P2RX1: variants seen among roughly 807,000 people sequenced by gnomAD.
P2RX1 encodes the protein P2X purinoceptor 1.
P2RX1 carries 42 observed loss-of-function variants against 50.3 expected under a neutral mutation model. The observed-to-expected ratio is 0.83, with a 90% CI of 0.65 to 1.08. The LOEUF (loss-of-function observed/expected upper bound fraction) is 1.08. Ranked by LOEUF, P2RX1 falls within the 50% of genes least tolerant of loss-of-function variation. The pLI is 0.00. For missense variants in P2RX1, 449 were observed against 529.0 expected (o/e 0.85, Z 1.48); for synonymous variants, 199 against 202.6 (o/e 0.98, Z 0.15).
Position 3,904,894 on chromosome 17 carries a change from G to A in P2RX1, c.321C>T (p.Ile107=), listed in dbSNP as rs780312994. ...AGCCTTGAGTCTGCTTCGGGGTCACGATGAAATTGGTCATGACCACGAAGG... is the reference window on the plus strand; with the variant it reads ...AGCCTTGAGTCTGCTTCGGGGTCACAATGAAATTGGTCATGACCACGAAGG... The part of the protein sequence containing the change: ...DNSFVVMTNF[I]VTPKQTQGYC... The change falls in exon 3 of 12, where the codon ATC becomes ATT. Residue 107 remains isoleucine (I), a synonymous_variant. Coordinates refer to ENST00000225538, the MANE Select transcript of P2RX1 (RefSeq NM_002558.4). The A allele has an allele frequency of 4.4e-6, 6 of 1,372,516 alleles. No individual in the cohort carries two copies. The Admixed American group carries it at 6.1e-5, about 14-fold the overall frequency. 85.0% of individuals were successfully genotyped at this position (1,372,516 alleles called of 1,614,324 possible). A position where few individuals can be genotyped will look rare whatever the true frequency, so the allele number is the denominator to read the frequency against.
intron 9 of P2RX1, 78 bp downstream of exon 9, chr17:3,898,856 T>TAC: frequency 8.6e-7 from 1 of 1,162,784 alleles, no homozygotes; most frequent in Non-Finnish European, 1.3e-6. Context: ...CGGTTGTCTA[T>TAC]AACTGTAGAT....
chr17:3,916,190 G>A lies in P2RX1; in HGVS notation c.36C>T (p.Phe12=), dbSNP rs778253855. 1.2e-5 allele frequency: 19 copies of A among 1,613,112 alleles called. No individual in the cohort carries two copies. Among genetic ancestry groups the A allele is most frequent in the Middle Eastern group, 1.6e-4 (1 of 6,082 alleles). Residue 12 remains phenylalanine, a synonymous_variant, in exon 1 of 12, where the codon TTC becomes TTT. Transcript: ENST00000225538. ...ARRFQEELAA[F]LFEYDTPRMV... ...TGCGGGGGGTGTCATACTCGAAGAGGAAGGCGGCCAGCTCCTCCTGGAACC... is the reference window on the plus strand; with the variant it reads ...TGCGGGGGGTGTCATACTCGAAGAGAAAGGCGGCCAGCTCCTCCTGGAACC...
intron 7 of P2RX1, among the ~76,000 whole-genome samples, chr17:3,902,700 C>T (rs554398525): frequency 1.4e-4 from 22 of 151,958 alleles, no homozygotes; most frequent in African/African-American, 4.6e-4. Flanking sequence ...CTCTGCCTCC[C>T]GGGTTCAAGT....
chr17:3,904,952 G>A (rs1363057798), intron 2 of P2RX1, 23 bp from the exon 3 acceptor site: 1 of 1,282,644 alleles, frequency 7.8e-7, no homozygotes, highest in Non-Finnish European at 1.1e-6. Flanking sequence ...GGCAGGGGGA[G>A]GGTGGGGTGG....
At chr17:3,906,089 C>G (rs1168655291) in intron 1 of P2RX1, among the ~76,000 whole-genome samples, 1 of 152,158 alleles carries the variant, frequency 6.6e-6, no homozygotes, top group African/African-American at 2.4e-5. Context: ...CTATTCAATC[C>G]CCTGTGCCTC....
chr17:3,908,277 T>C (rs1188996319), intron 1 of P2RX1, among the ~76,000 whole-genome samples: 1 of 152,144 alleles, frequency 6.6e-6, no homozygotes, highest in Non-Finnish European at 1.5e-5. Flanking sequence ...AGAATGACTA[T>C]GGGCTGGGCG....
At chr17:3,908,346 A>G (rs2056304740) in intron 1 of P2RX1, among the ~76,000 whole-genome samples, 1 of 152,168 alleles carries the variant, frequency 6.6e-6, no homozygotes, top group Non-Finnish European at 1.5e-5. Flanking sequence ...GGATCACCTG[A>G]GGTCAGGAGT....
intron 1 of P2RX1, chr17:3,915,354 A>G (rs1597533835): frequency 4.7e-6 from 2 of 423,894 alleles, no homozygotes; most frequent in African/African-American, 2.0e-5. Flanking sequence ...ACCCAGACAC[A>G]TATAGGCACA....
intron 1 of P2RX1, among the ~76,000 whole-genome samples, chr17:3,911,646 C>G (rs899862521): frequency 1.3e-5 from 2 of 152,086 alleles, no homozygotes; most frequent in Admixed American, 1.3e-4. Flanking sequence ...TGTCTTGGCT[C>G]CCTTCTGCCT....
intron 1 of P2RX1, among the ~76,000 whole-genome samples, chr17:3,905,737 C>T (rs770863763): frequency 6.6e-6 from 1 of 151,700 alleles, no homozygotes; most frequent in Non-Finnish European, 1.5e-5. Flanking sequence ...ATCCCAGCTA[C>T]CTGGGAGGCT....
chr17:3,898,180 C>A (rs1187003809), intron 10 of P2RX1, 70 bp from the exon 11 acceptor site: 33 of 1,320,372 alleles, frequency 2.5e-5, no homozygotes, highest in Admixed American at 5.1e-5. Context: ...CCACATCCCA[C>A]CTCAGTCCCT....
rs2056047495 is a variant in P2RX1 at position 3,897,352 on chromosome 17, T to C, written c.*462A>G. On this transcript the variant is annotated 3_prime_UTR_variant, in exon 12 of 12. Coordinates refer to ENST00000225538, the MANE Select transcript of P2RX1 (RefSeq NM_002558.4). The stretch of plus-strand genomic sequence containing the variant: ...ATGGCAGCCACTAACCACACGTATC[T>C]ACTGAGCAGTTGAAATGTGGCTAGT... 1 of 257,524 alleles carries C rather than the reference T, an allele frequency of 3.9e-6. No homozygotes were observed. The allele number at this position is 257,524 out of a possible 1,614,324, so 16.0% of individuals were successfully genotyped here.
intron 1 of P2RX1, among the ~76,000 whole-genome samples, chr17:3,912,505 A>AT (rs1296499024): frequency 1.4e-4 from 21 of 151,538 alleles, no homozygotes; most frequent in African/African-American, 5.1e-4. Flanking sequence ...TAATTTTTGT[A>AT]TTTTTAGTAG....
intron 1 of P2RX1, among the ~76,000 whole-genome samples, chr17:3,912,771 G>A (rs2056386932): frequency 6.6e-6 from 1 of 152,206 alleles, no homozygotes; most frequent in Admixed American, 6.5e-5. Context: ...CAGGCATGGA[G>A]AAGATGCTGC....
At chr17:3,908,527 C>T (rs1441642746) in intron 1 of P2RX1, among the ~76,000 whole-genome samples, 2 of 152,130 alleles carry the variant, frequency 1.3e-5, no homozygotes, top group African/African-American at 4.8e-5. Flanking sequence ...GCACTCTGCA[C>T]CCCAGCCTAG....
intron 1 of P2RX1, among the ~76,000 whole-genome samples, chr17:3,910,468 C>A (rs1427392169): frequency 6.6e-6 from 1 of 152,236 alleles, no homozygotes; most frequent in Non-Finnish European, 1.5e-5. Context: ...ATCATGCCCC[C>A]ACATTCATTG....
At position 3,897,262 on chromosome 17, in the gene P2RX1, A is replaced by G. The variant is rs1035492077; in HGVS notation, c.*552T>C. On this transcript the variant is annotated 3_prime_UTR_variant, in exon 12 of 12. Transcript: ENST00000225538. The stretch of plus-strand genomic sequence containing the variant: ...GGGAAACCGAAGGCCAGGAAGAAAC[A>G]GGGCTCAAGCAGGGCTGTCTAATAG... 5.4e-5 allele frequency: 9 copies of G among 165,770 alleles called. No homozygotes were observed. Among genetic ancestry groups the G allele is most frequent in the African/African-American group, 1.9e-4 (8 of 41,722 alleles). The allele number at this position is 165,770 out of a possible 1,614,324, so 10.3% of individuals were successfully genotyped here. A position where few individuals can be genotyped will look rare whatever the true frequency, so the allele number is the denominator to read the frequency against.
chr17:3,907,596 C>T (rs1283611711), intron 1 of P2RX1, among the ~76,000 whole-genome samples: 1 of 152,160 alleles, frequency 6.6e-6, no homozygotes, highest in Non-Finnish European at 1.5e-5. Context: ...TCTCATGGCC[C>T]ACCCACCTCT....
chr17:3,900,600 T>A (rs989712594), intron 7 of P2RX1, among the ~76,000 whole-genome samples: 2 of 152,172 alleles, frequency 1.3e-5, no homozygotes, highest in African/African-American at 4.8e-5. Flanking sequence ...ATTTCTTGTT[T>A]ATTTATTTAT....
Sources: allele counts gnomAD v4.1 joint callset (sites outside exome capture counted in the v4.1 genomes callset), GRCh38; gene constraint gnomAD v4.1.1; transcripts MANE v1.5; gene names NCBI Gene and HGNC (gene_info 2026-07-23, HGNC 2026-07-21).